SCAPER: variants seen among roughly 807,000 people sequenced by gnomAD.
The protein encoded by SCAPER is S-phase cyclin A associated protein in the ER, also known as S phase cyclin A-associated protein in the endoplasmic reticulum.
SCAPER carries 98 observed loss-of-function variants against 182.2 expected under a neutral mutation model. The observed-to-expected ratio is 0.54, with a 90% CI of 0.46 to 0.64. SCAPER has a LOEUF of 0.64. SCAPER is among the 30% of genes least tolerant of loss of function. The pLI is 0.00. For synonymous variants in SCAPER, 605 were observed against 564.6 expected, an observed-to-expected ratio of 1.07 and a Z score of -1.01; for missense variants, 1,432 against 1,690.0, an observed-to-expected ratio of 0.85 and a Z score of 2.68.
chr15:76,575,066 T>C (rs1461011074), intron 22 of SCAPER, among the ~76,000 whole-genome samples: 1 of 152,202 alleles, frequency 6.6e-6, no homozygotes, highest in Non-Finnish European at 1.5e-5. Flanking sequence ...ACATTTCCTC[T>C]CTGTTGTTCT....
At chr15:76,734,797 G>A (rs542030313) in intron 15 of SCAPER, among the ~76,000 whole-genome samples, 13 of 151,966 alleles carry the variant, frequency 8.6e-5, no homozygotes, top group African/African-American at 2.9e-4. Context: ...GCTTGAACCC[G>A]GGAGGTAGGG....
intron 6 of SCAPER, among the ~76,000 whole-genome samples, chr15:76,803,002 T>G (rs2065904694): frequency 6.6e-6 from 1 of 152,200 alleles, no homozygotes; most frequent in Non-Finnish European, 1.5e-5. Context: ...AGCCATCATC[T>G]CTAAACTACA....
chr15:76,500,469 ACATC>A (rs2041002275), intron 24 of SCAPER, among the ~76,000 whole-genome samples: 23 of 152,298 alleles, frequency 1.5e-4, no homozygotes, highest in Admixed American at 1.4e-3. Flanking sequence ...TGAATTATGA[ACATC>A]TACTGCTGCC....
intron 17 of SCAPER, among the ~76,000 whole-genome samples, chr15:76,717,757 A>C (rs1271590195): frequency 1.3e-5 from 2 of 152,172 alleles, no homozygotes; most frequent in African/African-American, 4.8e-5. Flanking sequence ...AACAATTGTA[A>C]ATATATATGC....
Position 76,755,609 on chromosome 15 carries a change from T to C in SCAPER, c.1726-1661A>G, listed in dbSNP as rs950609736. ...GAGCCTCTGAGATGGTGCCCACTAA[T>C]CTAAGCCACCTGGTTTTAAGATCCT... On this transcript the variant is annotated intron_variant, in intron 14 of 31. Transcript: ENST00000563290. Among the ~76,000 whole-genome samples, 8 of 152,220 alleles carry C rather than the reference T, an allele frequency of 5.3e-5. No homozygotes were observed. The South Asian group carries it at 8.3e-4, about 16-fold the overall frequency.
At chr15:76,510,251 T>C (rs1331334686) in intron 23 of SCAPER, among the ~76,000 whole-genome samples, 1 of 152,104 alleles carries the variant, frequency 6.6e-6, no homozygotes, top group Non-Finnish European at 1.5e-5. Flanking sequence ...TAAAGAGCTT[T>C]TGCATGGCAA....
chr15:76,868,482 A>G (rs2072458785), intron 2 of SCAPER, among the ~76,000 whole-genome samples: 1 of 152,188 alleles, frequency 6.6e-6, no homozygotes, highest in African/African-American at 2.4e-5. Flanking sequence ...CAAAATCAAC[A>G]TACAAAAACC....
chr15:76,480,400 T>TAA (rs2051012499), intron 24 of SCAPER, among the ~76,000 whole-genome samples: 1 of 152,232 alleles, frequency 6.6e-6, no homozygotes. Flanking sequence ...GAAGTGAACC[T>TAA]AAGTCAGTGC....
intron 5 of SCAPER, among the ~76,000 whole-genome samples, chr15:76,810,701 C>T (rs1445122016): frequency 6.6e-6 from 1 of 151,646 alleles, no homozygotes; most frequent in Non-Finnish European, 1.5e-5. Context: ...AACTAAACTC[C>T]CTGATAAAAA....
chr15:76,490,973 T>C (rs1338258548), intron 24 of SCAPER, among the ~76,000 whole-genome samples: 1 of 152,196 alleles, frequency 6.6e-6, no homozygotes, highest in African/African-American at 2.4e-5. Flanking sequence ...TTAATGATGT[T>C]TCTCCCTTTA....
chr15:76,421,409 T>C lies in SCAPER; in HGVS notation c.3311+12669A>G, dbSNP rs2046030246. Reference sequence around the variant, plus strand: ...TTTTTTCATGTGTCTGTTGGCAGCATAAATGTCTTCTTTTGAGGAGTGTCT... The same window carrying C: ...TTTTTTCATGTGTCTGTTGGCAGCACAAATGTCTTCTTTTGAGGAGTGTCT... On this transcript the variant is annotated intron_variant, in intron 26 of 31. Transcript: ENST00000563290. 2.0e-5 allele frequency among the ~76,000 whole-genome samples: 3 copies of C among 152,288 alleles called. 1 individual carries two copies. In the South Asian group the frequency reaches 6.2e-4, roughly 31 times the overall value.
At chr15:76,488,445 T>A (rs771463180) in intron 24 of SCAPER, among the ~76,000 whole-genome samples, 2 of 152,176 alleles carry the variant, frequency 1.3e-5, no homozygotes, top group Non-Finnish European at 2.9e-5. Flanking sequence ...TTGGCATATG[T>A]CATACTCAGT....
rs766156804 is a variant in SCAPER at position 76,434,257 on chromosome 15, T to G, written c.3132A>C (p.Gln1044His). 8 of 1,613,620 alleles carry G rather than the reference T, an allele frequency of 5.0e-6. No homozygotes were observed. The highest frequency in any genetic ancestry group is 6.8e-6 in the Non-Finnish European group (8 of 1,179,776). ...GTCCAGTTGTCAAGCCTTCAAAAAC[T>G]TGTTTATTTGTATTTCTCCCCAAAA... The part of the protein sequence containing the change: ...NTILGRNTNK[Q>H]VFEGLTTGLL... The change falls in exon 26 of 32, where the codon CAA (glutamine) becomes CAC (histidine). Residue 1044 changes from glutamine to histidine, a missense_variant. Physicochemically the swap from Gln to His is conservative, Grantham distance 24 (BLOSUM62 0). Transcript: ENST00000563290.
intron 20 of SCAPER, 72 bp from the exon 21 acceptor site, chr15:76,665,861 T>C (rs1455754887): frequency 1.6e-6 from 2 of 1,259,660 alleles, no homozygotes; most frequent in African/African-American, 1.5e-5. Flanking sequence ...TGCTATAGAC[T>C]ACAGTGAGTT....
intron 17 of SCAPER, among the ~76,000 whole-genome samples, chr15:76,724,304 C>G (rs2060456085): frequency 6.6e-6 from 1 of 152,200 alleles, no homozygotes. Context: ...AGCTGTTAGT[C>G]TGATGGGCTT....
intron 27 of SCAPER, among the ~76,000 whole-genome samples, chr15:76,388,085 A>G (rs933495202): frequency 2.0e-5 from 3 of 152,352 alleles, no homozygotes; most frequent in Admixed American, 2.0e-4. Context: ...TGCAGCGCTA[A>G]TTCAGCACAC....
intron 8 of SCAPER, among the ~76,000 whole-genome samples, chr15:76,787,179 T>C (rs967517529): frequency 1.3e-5 from 2 of 152,076 alleles, no homozygotes; most frequent in Non-Finnish European, 2.9e-5. Context: ...CTAAAATAGC[T>C]AAAAACAATT....
At chr15:76,495,168 A>T (rs1215613097) in intron 24 of SCAPER, among the ~76,000 whole-genome samples, 1 of 152,108 alleles carries the variant, frequency 6.6e-6, no homozygotes, top group African/African-American at 2.4e-5. Context: ...TGAACCCAAC[A>T]CCTACCAGAG....
intron 15 of SCAPER, among the ~76,000 whole-genome samples, chr15:76,739,409 T>C (rs1453992385): frequency 3.9e-5 from 6 of 152,286 alleles, no homozygotes; most frequent in African/African-American, 1.2e-4. Flanking sequence ...GTTTGGCATA[T>C]CCAAATTGCT....
Sources: gnomAD v4.1 joint callset for allele counts (sites outside exome capture counted in the v4.1 genomes callset) on GRCh38, gnomAD v4.1.1 for gene constraint, MANE v1.5 for transcripts, NCBI Gene and HGNC (gene_info 2026-07-23, HGNC 2026-07-21) for gene names.